Variants in HEMK2 observed in about 807,000 individuals in gnomAD.
The protein encoded by HEMK2 is methyltransferase HEMK2.
the HEMK2 span, among the ~76,000 whole-genome samples, chr21:28,803,427 A>G: frequency 6.6e-6 from 1 of 152,192 alleles, no homozygotes; most frequent in Non-Finnish European, 1.5e-5. Context: ...ACTGCACTCA[A>G]TTAAATTGTG....
At chr21:28,836,601 A>C in the HEMK2 span, among the ~76,000 whole-genome samples, 1 of 152,184 alleles carries the variant, frequency 6.6e-6, no homozygotes, top group Admixed American at 6.5e-5. Context: ...AAAACAAAAA[A>C]CAAAAACAAA....
the HEMK2 span, among the ~76,000 whole-genome samples, chr21:28,670,108 AAC>A: frequency 2.6e-5 from 4 of 152,126 alleles, no homozygotes. Context: ...TCAAAATAGA[AAC>A]AGATTGTTGT....
At chr21:28,861,358 T>C in the HEMK2 span, among the ~76,000 whole-genome samples, 1 of 152,224 alleles carries the variant, frequency 6.6e-6, no homozygotes, top group Non-Finnish European at 1.5e-5. Context: ...TAATTAATCA[T>C]GGTGCTCCTA....
At chr21:28,761,751 G>C in the HEMK2 span, among the ~76,000 whole-genome samples, 7 of 152,008 alleles carry the variant, frequency 4.6e-5, no homozygotes, top group Non-Finnish European at 1.0e-4. Flanking sequence ...AAATGAAATG[G>C]AGGGAAGACA....
chr21:28,767,170 T>C, the HEMK2 span, among the ~76,000 whole-genome samples: 1 of 152,028 alleles, frequency 6.6e-6, no homozygotes, highest in Admixed American at 6.6e-5. Context: ...CCACCATCCA[T>C]GTAAGATGTG....
chr21:28,641,584 T>A, the HEMK2 span, among the ~76,000 whole-genome samples: 1 of 152,166 alleles, frequency 6.6e-6, no homozygotes, highest in African/African-American at 2.4e-5. Context: ...ACCCCAATCT[T>A]CTGGATTGGA....
the HEMK2 span, among the ~76,000 whole-genome samples, chr21:28,759,186 C>T: frequency 6.6e-6 from 1 of 152,130 alleles, no homozygotes; most frequent in African/African-American, 2.4e-5. Context: ...TAGCAAGATC[C>T]CAGCATTTTC....
the HEMK2 span, among the ~76,000 whole-genome samples, chr21:28,856,983 T>C: frequency 6.6e-6 from 1 of 152,194 alleles, no homozygotes; most frequent in Non-Finnish European, 1.5e-5. Context: ...GGGAGCCAAG[T>C]GGCATCATTC....
the HEMK2 span, among the ~76,000 whole-genome samples, chr21:28,576,223 A>G: frequency 2.0e-5 from 3 of 152,214 alleles, no homozygotes; most frequent in African/African-American, 7.2e-5. Context: ...TATGAGTTCC[A>G]GTTGCTCCAT....
At chr21:28,751,002 G>A in the HEMK2 span, among the ~76,000 whole-genome samples, 16 of 152,144 alleles carry the variant, frequency 1.1e-4, no homozygotes, top group East Asian at 1.9e-4. Context: ...AGGCCGAGGC[G>A]GGCGGATCAC....
At chr21:28,866,285 C>T in the HEMK2 span, among the ~76,000 whole-genome samples, 1 of 149,948 alleles carries the variant, frequency 6.7e-6, no homozygotes, top group Non-Finnish European at 1.5e-5. Context: ...AGTCTGCAGA[C>T]AGCCGAGATC....
chr21:28,665,476 A>T, the HEMK2 span, among the ~76,000 whole-genome samples: 1 of 137,812 alleles, frequency 7.3e-6, no homozygotes, highest in Admixed American at 7.6e-5. Flanking sequence ...GAGGGATAGC[A>T]TTGGGAGATA....
chr21:28,592,622 T>C, the HEMK2 span, among the ~76,000 whole-genome samples: 1 of 152,248 alleles, frequency 6.6e-6, no homozygotes, highest in South Asian at 2.1e-4. Context: ...TCCAGCAGAA[T>C]GCCTCTTATC....
the HEMK2 span, among the ~76,000 whole-genome samples, chr21:28,852,451 G>T: frequency 2.6e-5 from 4 of 152,176 alleles, no homozygotes; most frequent in Non-Finnish European, 5.9e-5. Context: ...GAACGACAAT[G>T]ACATTTTGTG....
the HEMK2 span, among the ~76,000 whole-genome samples, chr21:28,697,177 T>A: frequency 2.0e-5 from 3 of 152,126 alleles, no homozygotes; most frequent in Non-Finnish European, 4.4e-5. Context: ...AGAAAATGGG[T>A]TTTTCTTTTC....
At chr21:28,775,718 T>C in the HEMK2 span, among the ~76,000 whole-genome samples, 2 of 152,184 alleles carry the variant, frequency 1.3e-5, no homozygotes, top group African/African-American at 2.4e-5. Context: ...TAAAAGGTCA[T>C]TGTTGACAAT....
At chr21:28,663,181 T>C in the HEMK2 span, among the ~76,000 whole-genome samples, 1 of 152,198 alleles carries the variant, frequency 6.6e-6, no homozygotes, top group Non-Finnish European at 1.5e-5. Flanking sequence ...AAGAAAGACA[T>C]AATTTCCTAC....
At chr21:28,616,980 CTA>C in the HEMK2 span, among the ~76,000 whole-genome samples, 1 of 152,158 alleles carries the variant, frequency 6.6e-6, no homozygotes, top group African/African-American at 2.4e-5. Context: ...TAAAGTCTTG[CTA>C]TGATAGAGCT....
the HEMK2 span, among the ~76,000 whole-genome samples, chr21:28,657,786 C>A: frequency 6.6e-6 from 1 of 151,928 alleles, no homozygotes; most frequent in Non-Finnish European, 1.5e-5. Context: ...AATAACTTAG[C>A]ACAACAATGA....
Sources: allele counts gnomAD v4.1 joint callset (sites outside exome capture counted in the v4.1 genomes callset), GRCh38; gene constraint gnomAD v4.1.1; transcripts MANE v1.5; gene names NCBI Gene and HGNC (gene_info 2026-07-23, HGNC 2026-07-21).